Variants in UBN2 observed in about 807,000 individuals in gnomAD.
UBN2 encodes the protein ubinuclein-2.
Under a neutral mutation model 120.2 loss-of-function variants are expected in UBN2, and 35 were observed. The ratio of observed to expected loss-of-function variants is 0.29; its 90% CI spans 0.22 to 0.39. UBN2 has a LOEUF of 0.39. Among genes scored for constraint, UBN2 ranks in the 10% least tolerant of loss-of-function variants. The pLI is 1.00. For missense variants in UBN2, 1,693 were observed against 1,663.2 expected (o/e 1.02, Z -0.31); for synonymous variants, 661 against 648.7 (o/e 1.02, Z -0.29).
the UBN2 span, among the ~76,000 whole-genome samples, chr7:139,316,613 AGGGGCCT>A: frequency 6.6e-6 from 1 of 152,090 alleles, no homozygotes; most frequent in Non-Finnish European, 1.5e-5. Flanking sequence ...GCATGGTGGC[AGGGGCCT>A]GTAATCTCAG....
Position 139,251,862 on chromosome 7 carries a change from T to G in UBN2, c.562-94T>G. On this transcript the variant is annotated intron_variant, in intron 2 of 17. Coordinates refer to ENST00000473989, the MANE Select transcript of UBN2 (RefSeq NM_173569.4). ...AAACCTCCTGGAGAGGGGGACTATC[T>G]GCAAAAATTATTTGAATTCTTCTAA... 5 of 1,224,234 alleles carry G rather than the reference T, an allele frequency of 4.1e-6. No homozygotes were observed. The South Asian group carries it at 5.1e-5, about 12-fold the overall frequency. 75.8% of individuals were successfully genotyped at this position (1,224,234 alleles called of 1,614,324 possible).
chr7:139,275,879 T>A (rs968236131), intron 11 of UBN2, among the ~76,000 whole-genome samples: 2 of 152,182 alleles, frequency 1.3e-5, no homozygotes, highest in Admixed American at 1.3e-4. Context: ...GAAAGCTGAG[T>A]TGGGAGGACC....
In UBN2 at chr7:139,301,828, C is replaced by T. The variant is rs1798264090; in HGVS notation, c.*3992C>T. Reference sequence around the variant, plus strand: ...TGTAATTCTGCTGACCTAATGTTCTCAAAAGAGGCACTTTTACTTTCTATT... The same window carrying T: ...TGTAATTCTGCTGACCTAATGTTCTTAAAAGAGGCACTTTTACTTTCTATT... On this transcript the variant is annotated 3_prime_UTR_variant, in exon 18 of 18. Coordinates refer to ENST00000473989, the MANE Select transcript of UBN2 (RefSeq NM_173569.4). 6.6e-6 allele frequency: 1 copy of T among 152,022 alleles called. No individual in the cohort carries two copies. The highest frequency in any genetic ancestry group is 6.5e-5 in the Admixed American group (1 of 15,276). 9.4% of individuals were successfully genotyped at this position (152,022 alleles called of 1,614,324 possible). A position where few individuals can be genotyped will look rare whatever the true frequency, so the allele number is the denominator to read the frequency against.
chr7:139,284,057 C>T lies in UBN2; in HGVS notation c.3152C>T (p.Pro1051Leu), dbSNP rs1336450521. The change falls in exon 15 of 18, where the codon CCC (proline) becomes CTC (leucine). Residue 1051 changes from proline (P) to leucine (L), a missense_variant. Pro to Leu is a moderately conservative substitution (Grantham distance 98). Coordinates refer to ENST00000473989, the MANE Select transcript of UBN2 (RefSeq NM_173569.4). ...ASPKPATSPK[P>L]LPSPKPSASP... is the part of the protein sequence containing the mutation. ...CCCAAGCCTGCCACATCTCCTAAACCCCTGCCCTCGCCTAAGCCTTCTGCC... is the reference window on the plus strand; with the variant it reads ...CCCAAGCCTGCCACATCTCCTAAACTCCTGCCCTCGCCTAAGCCTTCTGCC... 1 of 1,614,154 alleles carries T rather than the reference C, an allele frequency of 6.2e-7. No homozygotes were observed. The highest frequency in any genetic ancestry group is 8.5e-7 in the Non-Finnish European group (1 of 1,180,024).
rs1353133429 is a variant in UBN2 at position 139,302,095 on chromosome 7, TTTC to T, written c.*4262_*4264del. On this transcript the variant is annotated 3_prime_UTR_variant, in exon 18 of 18. Coordinates refer to ENST00000473989, the MANE Select transcript of UBN2 (RefSeq NM_173569.4). ...TTGTCTTTGTTAAGTGCCTTTTTTC[TTTC>T]TTTTTTCCTCTCTTTTGAAACTGTT... The T allele has an allele frequency of 6.6e-6, 1 of 152,202 alleles. No homozygotes were observed. Among genetic ancestry groups the T allele is most frequent in the East Asian group, 1.9e-4 (1 of 5,200 alleles). 9.4% of individuals were successfully genotyped at this position (152,202 alleles called of 1,614,324 possible). A position where few individuals can be genotyped will look rare whatever the true frequency, so the allele number is the denominator to read the frequency against.
At chr7:139,252,203 CT>C (rs35028623) in intron 3 of UBN2, 146 bp downstream of exon 3, 76,884 of 431,862 alleles carry the variant, frequency 0.18, 108 homozygotes, top group South Asian at 0.22. Context: ...TTTCTTTACC[CT>C]TTTTTTTTTT....
chr7:139,239,551 C>CTTTTT (rs774812960), intron 2 of UBN2, among the ~76,000 whole-genome samples: 27 of 94,556 alleles, frequency 2.9e-4, no homozygotes, highest in African/African-American at 8.2e-4. Context: ...ATTAGAGTGT[C>CTTTTT]TTTTTTTTTT....
At chr7:139,325,348 A>T in the UBN2 span, among the ~76,000 whole-genome samples, 1 of 146,632 alleles carries the variant, frequency 6.8e-6, no homozygotes, top group Non-Finnish European at 1.5e-5. Flanking sequence ...GCTTACTGCA[A>T]CCTCCGCCTC....
At chr7:139,279,281 G>A in intron 12 of UBN2, 37 bp from the exon 13 acceptor site, 1 of 1,539,038 alleles carries the variant, frequency 6.5e-7, no homozygotes, top group Non-Finnish European at 8.9e-7. Flanking sequence ...CAATATAACT[G>A]CTACTGAAAT....
intron 7 of UBN2, among the ~76,000 whole-genome samples, 177 bp from the exon 8 acceptor site, chr7:139,269,217 A>G (rs1797189559): frequency 6.6e-6 from 1 of 152,150 alleles, no homozygotes. Context: ...CTCTAAATAA[A>G]TAAATAAATA....
the UBN2 span, among the ~76,000 whole-genome samples, chr7:139,323,751 G>A: frequency 6.6e-5 from 10 of 151,966 alleles, no homozygotes; most frequent in Admixed American, 1.3e-4. Flanking sequence ...CACCAAGCCC[G>A]GCTAATTTTG....
At chr7:139,289,414 C>CTTTTTTTTTT (rs1161484759) in intron 15 of UBN2, among the ~76,000 whole-genome samples, 1,454 of 125,528 alleles carry the variant, frequency 0.012, 118 homozygotes, top group African/African-American at 0.043. Context: ...TTACATTTTG[C>CTTTTTTTTTT]TTTTTTTTTT....
chr7:139,315,836 G>C, the UBN2 span, among the ~76,000 whole-genome samples: 10 of 152,032 alleles, frequency 6.6e-5, no homozygotes, highest in South Asian at 4.1e-4. Flanking sequence ...CAGCACTTTG[G>C]GGGGCAGAGG....
intron 13 of UBN2, among the ~76,000 whole-genome samples, chr7:139,281,504 G>A (rs1160144279): frequency 1.3e-5 from 2 of 151,532 alleles, no homozygotes; most frequent in Non-Finnish European, 2.9e-5. Flanking sequence ...CCTTCCATTC[G>A]TCCGTCCATC....
At chr7:139,245,525 T>C (rs543591732) in intron 2 of UBN2, among the ~76,000 whole-genome samples, 2 of 152,338 alleles carry the variant, frequency 1.3e-5, no homozygotes, top group African/African-American at 2.4e-5. Flanking sequence ...AACAAACTAG[T>C]CACTTTGGCT....
the UBN2 span, among the ~76,000 whole-genome samples, chr7:139,325,695 C>G: frequency 6.6e-6 from 1 of 152,232 alleles, no homozygotes; most frequent in Non-Finnish European, 1.5e-5. Flanking sequence ...AATCTCCCCC[C>G]AGTTATGGTA....
chr7:139,320,559 C>T, the UBN2 span, among the ~76,000 whole-genome samples: 8 of 151,838 alleles, frequency 5.3e-5, no homozygotes, highest in African/African-American at 1.7e-4. Flanking sequence ...AACAAAAATT[C>T]TGGCAAAGTG....
At chr7:139,233,645 T>G (rs187789826) in intron 1 of UBN2, among the ~76,000 whole-genome samples, 148 of 152,294 alleles carry the variant, frequency 9.7e-4, no homozygotes, top group African/African-American at 3.4e-3. Flanking sequence ...TTCTTAAAAT[T>G]AACTCATATA....
In UBN2 at chr7:139,232,082, C is replaced by T. The variant is rs1796036570; in HGVS notation, c.468+130C>T. 6.0e-6 allele frequency: 5 copies of T among 836,500 alleles called. No homozygotes were observed. In the South Asian group the frequency reaches 9.2e-5, roughly 15 times the overall value. The allele number at this position is 836,500 out of a possible 1,614,324, so 51.8% of individuals were successfully genotyped here. On this transcript the variant is annotated intron_variant, in intron 1 of 17. Coordinates refer to ENST00000473989, the MANE Select transcript of UBN2 (RefSeq NM_173569.4). ...CGCCCCGAGGGTGGGGTGCGGGGGG[C>T]CGGGGCCGAGCGGGTGGACGGGGCG... is the stretch of plus-strand genomic sequence containing the variant.
Sources: gnomAD v4.1 joint callset for allele counts (sites outside exome capture counted in the v4.1 genomes callset) on GRCh38, gnomAD v4.1.1 for gene constraint, MANE v1.5 for transcripts, NCBI Gene and HGNC (gene_info 2026-07-23, HGNC 2026-07-21) for gene names.